The following CLVS1 variants were observed in gnomAD, a reference collection of about 807,000 sequenced individuals.
CLVS1 encodes clavesin-1.
In CLVS1, 10 loss-of-function variants were observed where a neutral mutation model predicts 33.1. The observed-to-expected ratio is 0.30, with a 90% CI of 0.19 to 0.51. The LOEUF is 0.51. Among genes scored for constraint, CLVS1 ranks in the 20% least tolerant of loss-of-function variants. The pLI is 0.97. For synonymous variants in CLVS1, 163 were observed against 166.1 expected (o/e 0.98, Z 0.14); for missense variants, 343 against 433.4 (o/e 0.79, Z 1.85).
At chr8:61,158,792 T>C (rs1383021391) in intron 2 of CLVS1, among the ~76,000 whole-genome samples, 1 of 152,190 alleles carries the variant, frequency 6.6e-6, no homozygotes. Context: ...GGACATGATA[T>C]ACAGTAATAA....
chr8:61,259,200 T>G (rs929620068), intron 2 of CLVS1, among the ~76,000 whole-genome samples: 4 of 152,234 alleles, frequency 2.6e-5, no homozygotes, highest in Admixed American at 1.3e-4. Flanking sequence ...TAGCTAGTGC[T>G]TAGATACTTG....
At chr8:61,192,174 T>C (rs994997931) in intron 2 of CLVS1, among the ~76,000 whole-genome samples, 1 of 151,812 alleles carries the variant, frequency 6.6e-6, no homozygotes, top group Non-Finnish European at 1.5e-5. Context: ...GGTACCAAAA[T>C]AGAGATATAG....
intron 2 of CLVS1, among the ~76,000 whole-genome samples, chr8:61,320,146 C>A (rs1320542056): frequency 2.0e-5 from 3 of 152,110 alleles, no homozygotes; most frequent in African/African-American, 7.2e-5. Context: ...CATTCTGTCT[C>A]TACATACAGC....
chr8:61,091,963 C>T (rs1269231249), intron 1 of CLVS1, among the ~76,000 whole-genome samples: 1 of 152,160 alleles, frequency 6.6e-6, no homozygotes, highest in Non-Finnish European at 1.5e-5. Context: ...TGTGAGATTC[C>T]AATTTTAGGG....
chr8:61,265,521 G>A (rs115760072), intron 2 of CLVS1, among the ~76,000 whole-genome samples: 1,840 of 152,226 alleles, frequency 0.012, 42 homozygotes, highest in African/African-American at 0.042. Context: ...CTAACACATC[G>A]TCAATTCTAT....
the CLVS1 span, among the ~76,000 whole-genome samples, chr8:61,002,346 T>A: frequency 5.3e-5 from 8 of 150,576 alleles, no homozygotes; most frequent in African/African-American, 2.0e-4. Context: ...TTTTTTTTTT[T>A]TTTGACAGAG....
Position 61,241,209 on chromosome 8 carries a change from T to A in CLVS1, c.-151-58468T>A, listed in dbSNP as rs56771275. ...GTCTATAGCAATATCCTTTATCAGATTTAAAGACATCTTCAATTCATAGTT... is the reference window on the plus strand; with the variant it reads ...GTCTATAGCAATATCCTTTATCAGAATTAAAGACATCTTCAATTCATAGTT... On this transcript the variant is annotated intron_variant, in intron 2 of 2. Transcript: ENST00000522621. Among the ~76,000 whole-genome samples, 644 of 152,328 alleles carry A rather than the reference T, an allele frequency of 4.2e-3. 9 individuals carry two copies. The highest frequency in any genetic ancestry group is 0.015 in the African/African-American group (613 of 41,564).
intron 5 of CLVS1, among the ~76,000 whole-genome samples, chr8:61,461,531 A>G (rs1385964610): frequency 6.6e-6 from 1 of 152,208 alleles, no homozygotes; most frequent in African/African-American, 2.4e-5. Flanking sequence ...ATAATTTTTT[A>G]TAATATGCGT....
the CLVS1 span, among the ~76,000 whole-genome samples, chr8:61,013,327 A>G: frequency 2.6e-5 from 4 of 152,202 alleles, no homozygotes; most frequent in Non-Finnish European, 5.9e-5. Flanking sequence ...CCTTCTTTGA[A>G]TGACATGGCT....
intron 1 of CLVS1, among the ~76,000 whole-genome samples, chr8:61,295,883 C>T (rs925569687): frequency 1.3e-5 from 2 of 152,030 alleles, no homozygotes; most frequent in African/African-American, 4.8e-5. Flanking sequence ...AGAGAATCTG[C>T]AAATGCCTAG....
intron 2 of CLVS1, among the ~76,000 whole-genome samples, chr8:61,330,533 T>G (rs1423608838): frequency 1.3e-5 from 2 of 152,204 alleles, no homozygotes; most frequent in Non-Finnish European, 2.9e-5. Context: ...TAAAGATTAA[T>G]TCACCTTCAG....
At chr8:61,221,454 TG>T (rs1808214250) in intron 2 of CLVS1, among the ~76,000 whole-genome samples, 3 of 152,234 alleles carry the variant, frequency 2.0e-5, no homozygotes, top group Non-Finnish European at 4.4e-5. Context: ...ATGTGGTTTT[TG>T]TCTTTGGTTC....
chr8:61,488,218 GC>G (rs1192183144), intron 5 of CLVS1, among the ~76,000 whole-genome samples: 3 of 152,152 alleles, frequency 2.0e-5, no homozygotes, highest in Non-Finnish European at 2.9e-5. Context: ...GTATGTAGTA[GC>G]GCATTCCACT....
intron 1 of CLVS1, among the ~76,000 whole-genome samples, chr8:61,128,940 A>T (rs560136025): frequency 2.6e-5 from 4 of 152,288 alleles, no homozygotes; most frequent in African/African-American, 9.6e-5. Flanking sequence ...CCCCTACTGC[A>T]TAGTGTTTCT....
At chr8:61,242,490 T>C (rs1345532703) in intron 2 of CLVS1, among the ~76,000 whole-genome samples, 1 of 152,210 alleles carries the variant, frequency 6.6e-6, no homozygotes, top group East Asian at 1.9e-4. Context: ...ATTTCCATGT[T>C]TAAAATATAT....
intron 1 of CLVS1, among the ~76,000 whole-genome samples, chr8:61,059,226 A>G (rs1804533723): frequency 6.6e-6 from 1 of 151,954 alleles, no homozygotes; most frequent in South Asian, 2.1e-4. Flanking sequence ...CAGTCTTTGT[A>G]ATTTCAGTCC....
At chr8:61,403,712 C>T (rs1489020736) in intron 3 of CLVS1, among the ~76,000 whole-genome samples, 1 of 151,984 alleles carries the variant, frequency 6.6e-6, no homozygotes, top group Non-Finnish European at 1.5e-5. Context: ...GGGGATGGAC[C>T]CAGGGAGATC....
chr8:61,365,922 A>T (rs1341446984), intron 2 of CLVS1, among the ~76,000 whole-genome samples: 3 of 152,074 alleles, frequency 2.0e-5, no homozygotes, highest in African/African-American at 7.2e-5. Context: ...CTGAAAATAG[A>T]ATGGCCAAAA....
chr8:61,223,292 G>T (rs975729979), intron 2 of CLVS1, among the ~76,000 whole-genome samples: 8 of 152,058 alleles, frequency 5.3e-5, no homozygotes, highest in Non-Finnish European at 1.2e-4. Context: ...TTATATTTTG[G>T]TGTGTTTTTG....
Sources: allele counts gnomAD v4.1 joint callset (sites outside exome capture counted in the v4.1 genomes callset), GRCh38; gene constraint gnomAD v4.1.1; transcripts MANE v1.5; gene names NCBI Gene and HGNC (gene_info 2026-07-23, HGNC 2026-07-21).